Variants in AGMO observed in about 807,000 individuals in gnomAD.
AGMO encodes glyceryl-ether monooxygenase.
Under a neutral mutation model 60.2 loss-of-function variants are expected in AGMO, and 75 were observed. The observed-to-expected ratio is 1.25, with a 90% CI of 1.03 to 1.51. The LOEUF (loss-of-function observed/expected upper bound fraction) is 1.51, where lower values mean the gene tolerates loss of function less well. AGMO is among the 40% of genes most tolerant of loss of function. AGMO has a pLI of 0.00. For missense variants in AGMO, 763 were observed against 525.5 expected, an observed-to-expected ratio of 1.45 and a Z score of -4.42; for synonymous variants, 261 against 177.1, an observed-to-expected ratio of 1.47 and a Z score of -3.76.
the AGMO span, among the ~76,000 whole-genome samples, chr7:15,125,002 T>C: frequency 6.6e-6 from 1 of 151,972 alleles, no homozygotes; most frequent in South Asian, 2.1e-4. Flanking sequence ...TATGAAATAA[T>C]GTGAACATAT....
In AGMO at chr7:15,531,317, C is replaced by T. The variant is rs866968908; in HGVS notation, c.409+13455G>A. On this transcript the variant is annotated intron_variant, in intron 3 of 12. Coordinates refer to ENST00000342526, the MANE Select transcript of AGMO (RefSeq NM_001004320.2). ...AAATATTCTCTATATATATTCTATACATATATTCTATATATATTCTATATA... is the reference window on the plus strand; with the variant it reads ...AAATATTCTCTATATATATTCTATATATATATTCTATATATATTCTATATA... 6.2e-3 allele frequency among the ~76,000 whole-genome samples: 326 copies of T among 52,256 alleles called. 3 individuals are homozygous for T. The highest frequency in any genetic ancestry group is 0.024 in the Middle Eastern group (1 of 42). 34.3% of individuals were successfully genotyped at this position (52,256 alleles called of 152,430 possible).
chr7:15,460,395 C>A (rs867467578), intron 3 of AGMO, among the ~76,000 whole-genome samples: 1 of 151,998 alleles, frequency 6.6e-6, no homozygotes, highest in Admixed American at 6.6e-5. Flanking sequence ...GAAGTCCATA[C>A]TTTTAAATTT....
intron 4 of AGMO, among the ~76,000 whole-genome samples, chr7:15,422,738 A>C (rs532260143): frequency 6.6e-6 from 1 of 152,172 alleles, no homozygotes; most frequent in Non-Finnish European, 1.5e-5. Flanking sequence ...GTGTATCTGA[A>C]TCCATACATG....
chr7:15,149,616 T>A, the AGMO span, among the ~76,000 whole-genome samples: 1 of 152,178 alleles, frequency 6.6e-6, no homozygotes, highest in African/African-American at 2.4e-5. Context: ...AAAGATCAGA[T>A]AGTTGTAAAT....
At position 15,353,538 on chromosome 7, in the gene AGMO, A is replaced by G. The variant is rs116690516; in HGVS notation, c.1263+11976T>C. Among the ~76,000 whole-genome samples, 571 of 152,338 alleles carry G rather than the reference A, an allele frequency of 3.7e-3. 5 individuals are homozygous for G. Among genetic ancestry groups the G allele is most frequent in the African/African-American group, 0.013 (554 of 41,574 alleles). ...CACAAAAGCAAGACTAAATGAAACA[A>G]AACTACTCAACTAAAAGAAAAAAGA... is the stretch of plus-strand genomic sequence containing the variant. On this transcript the variant is annotated intron_variant, in intron 12 of 12. Coordinates refer to ENST00000342526, the MANE Select transcript of AGMO (RefSeq NM_001004320.2).
At chr7:15,561,675 A>G (rs768024429) in intron 1 of AGMO, 45 bp downstream of exon 1, 5 of 1,522,096 alleles carry the variant, frequency 3.3e-6, no homozygotes, top group Non-Finnish European at 4.4e-6. Flanking sequence ...CCATTTATTA[A>G]GAAAGCAGCA....
the AGMO span, among the ~76,000 whole-genome samples, chr7:15,142,909 A>T: frequency 6.6e-6 from 1 of 152,312 alleles, no homozygotes; most frequent in Non-Finnish European, 1.5e-5. Flanking sequence ...CCTCACAACC[A>T]CGTTATGGAA....
chr7:15,464,569 T>G lies in AGMO; in HGVS notation c.410-33461A>C, dbSNP rs368262876. Among the ~76,000 whole-genome samples, 3 of 152,154 alleles carry G rather than the reference T, an allele frequency of 2.0e-5. No homozygotes were observed. In the East Asian group the frequency reaches 5.8e-4, roughly 29 times the overall value. Reference sequence around the variant, plus strand: ...CCATGAAGACACTGGCCACATTAGTTTCAAAAAAGTTAGGTGATTAATCTA... The same window carrying G: ...CCATGAAGACACTGGCCACATTAGTGTCAAAAAAGTTAGGTGATTAATCTA... On this transcript the variant is annotated intron_variant, in intron 3 of 12. Transcript: ENST00000342526.
chr7:15,197,965 A>C (rs1781162088), downstream of AGMO, among the ~76,000 whole-genome samples: 1 of 152,194 alleles, frequency 6.6e-6, no homozygotes, highest in East Asian at 1.9e-4. Flanking sequence ...ATTTAACCTC[A>C]GACTCAAAAT....
chr7:15,482,900 T>C (rs1056418184), intron 3 of AGMO, among the ~76,000 whole-genome samples: 21 of 152,226 alleles, frequency 1.4e-4, no homozygotes, highest in Admixed American at 2.0e-4. Flanking sequence ...TGTCAATAGA[T>C]GTAGAAAATT....
At chr7:15,179,939 G>A in the AGMO span, among the ~76,000 whole-genome samples, 3 of 152,148 alleles carry the variant, frequency 2.0e-5, no homozygotes, top group Non-Finnish European at 4.4e-5. Context: ...GTGCTAGAAC[G>A]AGGGGATGAG....
chr7:15,124,619 A>T, the AGMO span, among the ~76,000 whole-genome samples: 1 of 152,104 alleles, frequency 6.6e-6, no homozygotes, highest in Non-Finnish European at 1.5e-5. Flanking sequence ...GAAGGAAGCT[A>T]GAGATGGTGT....
chr7:15,232,681 G>C (rs994861374), intron 12 of AGMO, among the ~76,000 whole-genome samples: 4 of 151,904 alleles, frequency 2.6e-5, no homozygotes, highest in Admixed American at 6.6e-5. Flanking sequence ...AGTAGAATAC[G>C]AATCAAAGGA....
chr7:15,458,646 C>T (rs538419699), intron 3 of AGMO, among the ~76,000 whole-genome samples: 30 of 152,272 alleles, frequency 2.0e-4, no homozygotes, highest in Non-Finnish European at 1.0e-4. Context: ...TTATGGCTCT[C>T]TATGGTTTGC....
At chr7:15,480,298 C>A (rs1020512070) in intron 3 of AGMO, among the ~76,000 whole-genome samples, 12 of 152,104 alleles carry the variant, frequency 7.9e-5, no homozygotes, top group Non-Finnish European at 1.5e-5. Flanking sequence ...CTGTTAAGGA[C>A]ATCTTCAGGT....
chr7:15,413,586 A>G (rs1413544842), intron 5 of AGMO, among the ~76,000 whole-genome samples: 1 of 152,202 alleles, frequency 6.6e-6, no homozygotes. Flanking sequence ...ATGAAAAGAC[A>G]CATTATCTAT....
At chr7:15,251,547 T>A (rs1262291633) in intron 12 of AGMO, among the ~76,000 whole-genome samples, 2 of 152,174 alleles carry the variant, frequency 1.3e-5, no homozygotes, top group Non-Finnish European at 2.9e-5. Flanking sequence ...CCTTGTGAAG[T>A]TAATGTTCTA....
intron 12 of AGMO, among the ~76,000 whole-genome samples, chr7:15,283,994 T>C (rs775106973): frequency 3.9e-5 from 6 of 152,032 alleles, no homozygotes; most frequent in Non-Finnish European, 5.9e-5. Flanking sequence ...GGGTTAACAA[T>C]GAAATCAAGA....
chr7:15,453,988 T>A (rs904458505), intron 3 of AGMO, among the ~76,000 whole-genome samples: 1 of 148,264 alleles, frequency 6.7e-6, no homozygotes, highest in African/African-American at 2.4e-5. Context: ...ATATACCTAA[T>A]ATATATTTTA....
Sources: gnomAD v4.1 joint callset for allele counts (sites outside exome capture counted in the v4.1 genomes callset) on GRCh38, gnomAD v4.1.1 for gene constraint, MANE v1.5 for transcripts, NCBI Gene and HGNC (gene_info 2026-07-23, HGNC 2026-07-21) for gene names.